FOXN3: variants seen among roughly 807,000 people sequenced by gnomAD.
FOXN3 encodes forkhead box protein N3.
A neutral mutation model predicts 38.4 loss-of-function variants in FOXN3; 7 were observed. The ratio of observed to expected loss-of-function variants is 0.18; its 90% CI spans 0.10 to 0.34. FOXN3 has a LOEUF of 0.34. Among genes scored for constraint, FOXN3 ranks in the 10% least tolerant of loss-of-function variants. FOXN3 has a pLI of 1.00. For synonymous variants in FOXN3, 230 were observed against 242.2 expected (o/e 0.95, Z 0.47); for missense variants, 456 against 613.4 (o/e 0.74, Z 2.71).
intron 3 of FOXN3, among the ~76,000 whole-genome samples, chr14:89,314,896 A>C (rs1365613177): frequency 6.6e-6 from 1 of 152,158 alleles, no homozygotes; most frequent in Non-Finnish European, 1.5e-5. Context: ...GAATTTGCTT[A>C]ATCTGAGACA....
intron 2 of FOXN3, among the ~76,000 whole-genome samples, chr14:89,367,610 G>A (rs544491695): frequency 7.9e-5 from 12 of 152,168 alleles, no homozygotes; most frequent in Non-Finnish European, 1.6e-4. Flanking sequence ...GGGAACACAG[G>A]GTCAGGGAGA....
At chr14:89,381,952 C>T (rs1007494349) in intron 2 of FOXN3, among the ~76,000 whole-genome samples, 6 of 152,216 alleles carry the variant, frequency 3.9e-5, no homozygotes, top group African/African-American at 1.2e-4. Flanking sequence ...TAAGCTTGAC[C>T]TGGTGTGTCT....
intron 2 of FOXN3, among the ~76,000 whole-genome samples, chr14:89,398,375 G>C (rs745950934): frequency 6.6e-6 from 1 of 152,210 alleles, no homozygotes; most frequent in South Asian, 2.1e-4. Context: ...ATTTATTTCT[G>C]TCTGGATCGG....
At chr14:89,533,094 G>A (rs1039564126) in intron 1 of FOXN3, among the ~76,000 whole-genome samples, 2 of 152,138 alleles carry the variant, frequency 1.3e-5, no homozygotes, top group African/African-American at 4.8e-5. Context: ...TACAAAAAGG[G>A]CAGTTGAGAA....
At position 89,228,375 on chromosome 14, in the gene FOXN3, A is replaced by G. The variant is rs117233281; in HGVS notation, c.746-47569T>C. 1.3e-3 allele frequency among the ~76,000 whole-genome samples: 194 copies of G among 152,314 alleles called. No individual in the cohort carries two copies. In the East Asian group the frequency reaches 0.033, roughly 26 times the overall value. On this transcript the variant is annotated intron_variant, in intron 4 of 5. Transcript: ENST00000557258. Reference sequence around the variant, plus strand: ...ATGAACGTTTCTTTTTGTTTAGTCAATAAAACCTACTGCAAAACTTGGTGA... The same window carrying G: ...ATGAACGTTTCTTTTTGTTTAGTCAGTAAAACCTACTGCAAAACTTGGTGA...
intron 3 of FOXN3, among the ~76,000 whole-genome samples, chr14:89,336,216 CTCCATCCA>C (rs71130057): frequency 1.4e-5 from 2 of 143,036 alleles, no homozygotes; most frequent in Admixed American, 7.1e-5. Context: ...CTAACGGTGC[CTCCATCCA>C]TCCATCCATC....
chr14:89,253,015 A>G (rs746278435), intron 4 of FOXN3, among the ~76,000 whole-genome samples: 63 of 152,182 alleles, frequency 4.1e-4, no homozygotes, highest in Non-Finnish European at 1.5e-4. Flanking sequence ...TGTCAAGGAC[A>G]CTAAGTGTCT....
At chr14:89,317,316 A>G (rs1001731298) in intron 3 of FOXN3, among the ~76,000 whole-genome samples, 2 of 152,118 alleles carry the variant, frequency 1.3e-5, no homozygotes, top group African/African-American at 4.8e-5. Context: ...AGCTTCAGGA[A>G]CAGCCACCCC....
intron 2 of FOXN3, among the ~76,000 whole-genome samples, chr14:89,381,532 CAA>C (rs71897384): frequency 0.24 from 18,408 of 75,824 alleles, 1,722 homozygotes; most frequent in African/African-American, 0.32. Context: ...CCTCAAAAAG[CAA>C]AAAAAAAAAA....
Position 89,444,007 on chromosome 14 carries a change from CAAAAAAAAA to C in FOXN3, c.-14-31526_-14-31518del, listed in dbSNP as rs569571116. 8.9e-5 allele frequency among the ~76,000 whole-genome samples: 6 copies of C among 67,636 alleles called. 1 individual carries two copies. The highest frequency in any genetic ancestry group is 2.0e-4 in the Admixed American group (1 of 4,944). The allele number at this position is 67,636 out of a possible 152,430, so 44.4% of individuals were successfully genotyped here. A position where few individuals can be genotyped will look rare whatever the true frequency, so the allele number is the denominator to read the frequency against. ...CTGGGCAACAAGAATGAAACTCTGT[CAAAAAAAAA>C]AAAAAAAAAAAAAGCATACTTGGAA... is the stretch of plus-strand genomic sequence containing the variant. On this transcript the variant is annotated intron_variant, in intron 1 of 6. Transcript: ENST00000345097.
At chr14:89,547,369 C>T (rs2139857756) in intron 1 of FOXN3, among the ~76,000 whole-genome samples, 1 of 152,166 alleles carries the variant, frequency 6.6e-6, no homozygotes, top group East Asian at 1.9e-4. Flanking sequence ...ATTCTCCTGC[C>T]TCAGTCTCCC....
At chr14:89,242,394 C>A (rs1885166477) in intron 4 of FOXN3, among the ~76,000 whole-genome samples, 1 of 151,998 alleles carries the variant, frequency 6.6e-6, no homozygotes, top group South Asian at 2.1e-4. Flanking sequence ...TATTCTGATT[C>A]CTATCTGTAT....
At chr14:89,385,100 T>G (rs1291785664) in intron 2 of FOXN3, among the ~76,000 whole-genome samples, 1 of 152,116 alleles carries the variant, frequency 6.6e-6, no homozygotes, top group Non-Finnish European at 1.5e-5. Flanking sequence ...GGTCAAGAAT[T>G]TGGAATATTT....
intron 4 of FOXN3, among the ~76,000 whole-genome samples, chr14:89,257,209 C>A (rs907609815): frequency 4.6e-5 from 7 of 152,146 alleles, no homozygotes; most frequent in Non-Finnish European, 5.9e-5. Context: ...GGGCTGAGTC[C>A]CACCACCTTC....
At chr14:89,538,519 CTCTTTTTT>C (rs1468737194) in intron 1 of FOXN3, among the ~76,000 whole-genome samples, 1 of 152,124 alleles carries the variant, frequency 6.6e-6, no homozygotes, top group Non-Finnish European at 1.5e-5. Context: ...CTTTTCTTTT[CTCTTTTTT>C]TCTTTTTTAA....
intron 3 of FOXN3, among the ~76,000 whole-genome samples, chr14:89,303,027 C>T (rs1329037151): frequency 2.6e-5 from 4 of 152,186 alleles, no homozygotes; most frequent in East Asian, 3.9e-4. Flanking sequence ...TCCAGTCAAT[C>T]GTGTGCTCAA....
intron 2 of FOXN3, among the ~76,000 whole-genome samples, chr14:89,379,987 G>A (rs1285191405): frequency 3.3e-5 from 5 of 152,112 alleles, no homozygotes; most frequent in Admixed American, 6.6e-5. Flanking sequence ...CAGAATAACA[G>A]TACCTTTTCC....
rs1566681079 is a variant in FOXN3 at position 89,511,211 on chromosome 14, CTTT to C, written c.-14-98724_-14-98722del. Among the ~76,000 whole-genome samples the C allele has an allele frequency of 2.0e-3, 21 of 10,468 alleles. 4 individuals carry two copies. Among genetic ancestry groups the C allele is most frequent in the Admixed American group, 0.012 (4 of 336 alleles). The allele number at this position is 10,468 out of a possible 152,430, so 6.9% of individuals were successfully genotyped here. ...TTTCTTTTCTTTCTTTCTTTTCTTTCTTTCTTTCTTTCTTTCTTTTCTTTCCTT... is the reference window on the plus strand; with the variant it reads ...TTTCTTTTCTTTCTTTCTTTTCTTTCCTTTCTTTCTTTCTTTTCTTTCCTT... On this transcript the variant is annotated intron_variant, in intron 1 of 6. Coordinates refer to the FOXN3 transcript ENST00000345097.
intron 2 of FOXN3, among the ~76,000 whole-genome samples, chr14:89,390,490 TAAAAAAAAA>T (rs376776864): frequency 7.7e-6 from 1 of 130,176 alleles, no homozygotes; most frequent in Non-Finnish European, 1.6e-5. Context: ...AGCTGCTTTT[TAAAAAAAAA>T]AAAAAAAAAA....
Sources: allele counts gnomAD v4.1 joint callset (sites outside exome capture counted in the v4.1 genomes callset), GRCh38; gene constraint gnomAD v4.1.1; transcripts MANE v1.5; gene names NCBI Gene and HGNC (gene_info 2026-07-23, HGNC 2026-07-21).